The following RPTOR variants were observed in gnomAD, a reference collection of about 807,000 sequenced individuals.
RPTOR encodes regulatory associated protein of MTOR complex 1, also known as regulatory-associated protein of mTOR.
Under a neutral mutation model 169.9 loss-of-function variants are expected in RPTOR, and 21 were observed. That is an observed-to-expected ratio of 0.12 (90% CI 0.09 to 0.18). The LOEUF is 0.18. Ranked by LOEUF, RPTOR falls within the 10% of genes least tolerant of loss-of-function variation. RPTOR has a pLI of 1.00. For missense variants in RPTOR, 1,133 were observed against 1,855.9 expected (o/e 0.61, Z 7.16); for synonymous variants, 732 against 753.2 (o/e 0.97, Z 0.46).
At chr17:80,922,141 T>C (rs1644098945) in intron 21 of RPTOR, among the ~76,000 whole-genome samples, 1 of 152,172 alleles carries the variant, frequency 6.6e-6, no homozygotes, top group Non-Finnish European at 1.5e-5. Context: ...TGCTGGTGGC[T>C]TTCCACCCCG....
At chr17:80,634,859 TG>T (rs2065492822) in intron 2 of RPTOR, among the ~76,000 whole-genome samples, 1 of 47,612 alleles carries the variant, frequency 2.1e-5, no homozygotes, top group Non-Finnish European at 4.9e-5. Flanking sequence ...GTGCATACCG[TG>T]TGTGTGTGCA....
chr17:80,625,267 T>A (rs9319606), intron 1 of RPTOR, among the ~76,000 whole-genome samples: 1 of 152,154 alleles, frequency 6.6e-6, no homozygotes, highest in Non-Finnish European at 1.5e-5. Flanking sequence ...CTTTTCTCAT[T>A]AAATGATTGA....
chr17:80,859,060 G>A (rs1424103232), intron 13 of RPTOR, among the ~76,000 whole-genome samples: 1 of 152,200 alleles, frequency 6.6e-6, no homozygotes, highest in Non-Finnish European at 1.5e-5. Flanking sequence ...CACCAAGCCT[G>A]GGTTGGGAGA....
intron 3 of RPTOR, among the ~76,000 whole-genome samples, chr17:80,693,408 C>T (rs1459723995): frequency 1.3e-5 from 2 of 152,224 alleles, no homozygotes; most frequent in Non-Finnish European, 2.9e-5. Flanking sequence ...GTGGATTTGG[C>T]CCCATCTGGA....
chr17:80,931,303 A>T (rs1000025847), intron 24 of RPTOR, among the ~76,000 whole-genome samples: 1 of 152,216 alleles, frequency 6.6e-6, no homozygotes, highest in Non-Finnish European at 1.5e-5. Context: ...GGAAGGGAAG[A>T]GGTGCCTCCA....
At chr17:80,930,173 G>C (rs62068519) in intron 24 of RPTOR, among the ~76,000 whole-genome samples, 409 of 7,440 alleles carry the variant, frequency 0.055, no homozygotes, top group African/African-American at 0.065. Flanking sequence ...CCCAGCTCAT[G>C]CCCAGCTCAT....
intron 3 of RPTOR, among the ~76,000 whole-genome samples, chr17:80,657,909 T>C (rs548444736): frequency 6.6e-6 from 1 of 152,350 alleles, no homozygotes; most frequent in South Asian, 2.1e-4. Flanking sequence ...TTAAGCAGTT[T>C]AAAAAATTAT....
rs150730517 is a variant in RPTOR at position 80,757,744 on chromosome 17, C to T, written c.830+3559C>T. Among the ~76,000 whole-genome samples the T allele has an allele frequency of 3.5e-4, 54 of 152,218 alleles. 1 individual carries two copies. In the East Asian group the frequency reaches 8.9e-3, roughly 25 times the overall value. On this transcript the variant is annotated intron_variant, in intron 6 of 33. Transcript: ENST00000306801. ...TTTCTTTTTAAGACTGCTGAAGAGACGGTCTTTTGGGGCCTCTGTTTCTCT... is the reference window on the plus strand; with the variant it reads ...TTTCTTTTTAAGACTGCTGAAGAGATGGTCTTTTGGGGCCTCTGTTTCTCT...
At chr17:80,578,385 A>G (rs2064984746) in intron 1 of RPTOR, among the ~76,000 whole-genome samples, 1 of 152,176 alleles carries the variant, frequency 6.6e-6, no homozygotes, top group South Asian at 2.1e-4. Context: ...AGCTGAGGGA[A>G]CACAGGGTAT....
chr17:80,963,042 C>A lies in RPTOR; in HGVS notation c.3924C>A (p.Ala1308=). 1 of 1,571,752 alleles carries A rather than the reference C, an allele frequency of 6.4e-7. No homozygotes were observed. The highest frequency in any genetic ancestry group is 1.7e-5 in the Admixed American group (1 of 57,392). ...GQRVGAISCL[A]FHPHWPHLAV... The stretch of plus-strand genomic sequence containing the variant: ...GGGTCGGCGCCATCAGCTGCCTGGC[C>A]TTCCACCCGCACTGGGTCAGTGTGG... The change falls in exon 33 of 34, where the codon GCC becomes GCA. Residue 1308 remains alanine, a synonymous_variant. Coordinates refer to ENST00000306801, the MANE Select transcript of RPTOR (RefSeq NM_020761.3).
chr17:80,703,877 A>G (rs2066122012), intron 3 of RPTOR, among the ~76,000 whole-genome samples: 1 of 152,244 alleles, frequency 6.6e-6, no homozygotes, highest in African/African-American at 2.4e-5. Context: ...GGCCCAGACC[A>G]AAATGGGATG....
At chr17:80,840,448 ACT>A (rs200444987) in intron 10 of RPTOR, among the ~76,000 whole-genome samples, 35 of 122,020 alleles carry the variant, frequency 2.9e-4, no homozygotes, top group African/African-American at 1.4e-3. Flanking sequence ...ACGGCAGCTC[ACT>A]CTCTTTGCAC....
In RPTOR at chr17:80,730,766, G is replaced by T; in HGVS notation, c.654+60G>T. 2 of 1,367,570 alleles carry T rather than the reference G, an allele frequency of 1.5e-6. No individual in the cohort carries two copies. The highest frequency in any genetic ancestry group is 2.1e-6 in the Non-Finnish European group (2 of 974,744). 84.7% of individuals were successfully genotyped at this position (1,367,570 alleles called of 1,614,324 possible). A position where few individuals can be genotyped will look rare whatever the true frequency, so the allele number is the denominator to read the frequency against. ...TTTGGTTTTGTTTTCCCTGGGGGTG[G>T]GGTTTGGGTGGGGAGGTTGGGAGGT... On this transcript the variant is annotated intron_variant, in intron 5 of 33. Transcript: ENST00000306801. This position sits in a 1 kb window ranked among gnomAD's most constrained non-coding sequence, Gnocchi z 4.2.
At chr17:80,902,712 G>A (rs2068491988) in intron 20 of RPTOR, among the ~76,000 whole-genome samples, 1 of 152,212 alleles carries the variant, frequency 6.6e-6, no homozygotes, top group Non-Finnish European at 1.5e-5. Context: ...GACCCAGCCT[G>A]AGGTGCCCTC....
At chr17:80,596,678 G>C (rs1386238712) in intron 1 of RPTOR, among the ~76,000 whole-genome samples, 1 of 152,152 alleles carries the variant, frequency 6.6e-6, no homozygotes, top group Admixed American at 6.5e-5. Flanking sequence ...GAGAAAACCT[G>C]ATGCAATTTT....
At chr17:80,843,310 G>A (rs2067690974) in intron 10 of RPTOR, among the ~76,000 whole-genome samples, 1 of 152,126 alleles carries the variant, frequency 6.6e-6, no homozygotes, top group East Asian at 1.9e-4. Flanking sequence ...AAAAATTGAG[G>A]TTTTCAGAGG....
In RPTOR at chr17:80,659,923, G is replaced by C. The variant is rs146353097; in HGVS notation, c.348+16113G>C. ...TTGGCCTCCCAAAGTGCTGGGATTT[G>C]AGCATGAACCACCGTGCCTGGCCTG... is the stretch of plus-strand genomic sequence containing the variant. On this transcript the variant is annotated intron_variant, in intron 3 of 33. Coordinates refer to ENST00000306801, the MANE Select transcript of RPTOR (RefSeq NM_020761.3). This position sits in a 1 kb window ranked among gnomAD's most constrained non-coding sequence, Gnocchi z 4.3. 6.6e-6 allele frequency among the ~76,000 whole-genome samples: 1 copy of C among 152,178 alleles called. No homozygotes were observed. The highest frequency in any genetic ancestry group is 1.5e-5 in the Non-Finnish European group (1 of 68,034).
At chr17:80,924,748 G>A (rs1231900271) in intron 23 of RPTOR, among the ~76,000 whole-genome samples, 4 of 152,194 alleles carry the variant, frequency 2.6e-5, no homozygotes, top group East Asian at 1.9e-4. Context: ...CGTGAGAGAC[G>A]CCAGCAGGCC....
intron 11 of RPTOR, among the ~76,000 whole-genome samples, chr17:80,850,268 C>T (rs888946337): frequency 6.6e-6 from 1 of 152,146 alleles, no homozygotes; most frequent in East Asian, 1.9e-4. Context: ...CCTGTGGACC[C>T]GTTGTTTAGC....
Sources: gnomAD v4.1 joint callset for allele counts (sites outside exome capture counted in the v4.1 genomes callset) on GRCh38, gnomAD v4.1.1 for gene constraint, Gnocchi (gnomAD v3.1) non-coding constraint, MANE v1.5 for transcripts, NCBI Gene and HGNC (gene_info 2026-07-23, HGNC 2026-07-21) for gene names.